PCDH15: variants seen among roughly 807,000 people sequenced by gnomAD.
PCDH15 encodes protocadherin-15.
In PCDH15, 129 loss-of-function variants were observed where a neutral mutation model predicts 178.5. That is an observed-to-expected ratio of 0.72 (90% confidence interval 0.63 to 0.84). The LOEUF is 0.84. PCDH15 is among the 40% of genes least tolerant of loss of function. PCDH15 has a pLI of 0.00. For missense variants in PCDH15, 2,230 were observed against 2,099.9 expected, an observed-to-expected ratio of 1.06 and a Z score of -1.21; for synonymous variants, 800 against 732.0, an observed-to-expected ratio of 1.09 and a Z score of -1.50.
chr10:54,999,729 C>A lies in PCDH15; in HGVS notation c.-79-102229G>T, dbSNP rs541891501. 9.2e-5 allele frequency among the ~76,000 whole-genome samples: 14 copies of A among 152,166 alleles called. No homozygotes were observed. In the South Asian group the frequency reaches 2.7e-3, roughly 29 times the overall value. On this transcript the variant is annotated intron_variant, in intron 2 of 5. Coordinates refer to the PCDH15 transcript ENST00000458638. ...GGGGAAAATTCAGCCAGATATCGGGCGAAATTCACCCCCGATATTTCACGT... is the reference window on the plus strand; with the variant it reads ...GGGGAAAATTCAGCCAGATATCGGGAGAAATTCACCCCCGATATTTCACGT...
At chr10:54,646,562 C>T (rs1357167015) in intron 2 of PCDH15, among the ~76,000 whole-genome samples, 1 of 151,992 alleles carries the variant, frequency 6.6e-6, no homozygotes, top group African/African-American at 2.4e-5. Flanking sequence ...TTTGTGATTC[C>T]TACACCACTT....
At chr10:53,821,658 A>G in intron 32 of PCDH15, 1 of 1,344,510 alleles carries the variant, frequency 7.4e-7, no homozygotes, top group Non-Finnish European at 9.6e-7. Flanking sequence ...GTAGTTTTTA[A>G]AAAGTAAGGT....
intron 2 of PCDH15, among the ~76,000 whole-genome samples, chr10:55,361,923 A>G (rs1318961403): frequency 6.6e-6 from 1 of 152,084 alleles, no homozygotes; most frequent in Non-Finnish European, 1.5e-5. Context: ...TAAATAATTC[A>G]TGTATTACGT....
chr10:55,522,895 CCT>C (rs1192916519), intron 2 of PCDH15, among the ~76,000 whole-genome samples: 1 of 150,814 alleles, frequency 6.6e-6, no homozygotes. Flanking sequence ...TTCTTTCTCC[CCT>C]GTTGTCTTAA....
chr10:55,624,418 TAGATAGTTTAAACTAGA>T (rs1316404464), intron 2 of PCDH15, among the ~76,000 whole-genome samples: 7 of 152,086 alleles, frequency 4.6e-5, no homozygotes, highest in African/African-American at 1.7e-4. Flanking sequence ...TTTCGACATG[TAGATAGTTTAAACTAGA>T]AGCCACCCGA....
chr10:55,008,525 A>ACAT (rs1839981862), intron 2 of PCDH15, among the ~76,000 whole-genome samples: 1 of 152,176 alleles, frequency 6.6e-6, no homozygotes, highest in African/African-American at 2.4e-5. Context: ...AGAAAGATGT[A>ACAT]CATTGGTCTT....
At chr10:54,133,117 T>C in intron 14 of PCDH15, 110 bp from the exon 15 acceptor site, 1 of 1,365,660 alleles carries the variant, frequency 7.3e-7, no homozygotes, top group Non-Finnish European at 1.0e-6. Flanking sequence ...ATTTCCAAAT[T>C]TTATGAAAAA....
At chr10:55,268,100 T>C (rs558946604) in intron 1 of PCDH15, among the ~76,000 whole-genome samples, 4 of 152,338 alleles carry the variant, frequency 2.6e-5, no homozygotes, top group East Asian at 1.9e-4. Flanking sequence ...ATCACAAAAG[T>C]AATAAAGTAA....
At chr10:54,196,309 A>AT (rs1457593924) in intron 10 of PCDH15, among the ~76,000 whole-genome samples, 1 of 151,790 alleles carries the variant, frequency 6.6e-6, no homozygotes, top group African/African-American at 2.4e-5. Flanking sequence ...CGCATGGCTA[A>AT]TGTTTTGTAT....
chr10:54,725,615 C>T (rs1208301440), intron 1 of PCDH15, among the ~76,000 whole-genome samples: 2 of 136,006 alleles, frequency 1.5e-5, no homozygotes, highest in Non-Finnish European at 3.3e-5. Flanking sequence ...ATTAATAAAA[C>T]ACTGCAACCT....
chr10:54,071,549 C>A (rs1590233702), intron 17 of PCDH15, among the ~76,000 whole-genome samples: 1 of 151,926 alleles, frequency 6.6e-6, no homozygotes, highest in African/African-American at 2.4e-5. Context: ...AAAACTATTT[C>A]TTTATATTTT....
chr10:54,177,621 A>G (rs771816508), intron 13 of PCDH15, among the ~76,000 whole-genome samples: 4 of 152,080 alleles, frequency 2.6e-5, no homozygotes, highest in Non-Finnish European at 5.9e-5. Flanking sequence ...TGAAATGATG[A>G]TCTACAAATA....
intron 1 of PCDH15, among the ~76,000 whole-genome samples, chr10:54,670,335 A>G (rs1487795951): frequency 6.6e-6 from 1 of 152,178 alleles, no homozygotes; most frequent in East Asian, 1.9e-4. Flanking sequence ...CACATAAGGT[A>G]AGTCCAAGCT....
intron 28 of PCDH15, among the ~76,000 whole-genome samples, chr10:53,855,682 T>C (rs529977023): frequency 6.6e-6 from 1 of 151,900 alleles, no homozygotes; most frequent in East Asian, 2.0e-4. Flanking sequence ...GAAGTGATGA[T>C]ATTTTGCTAA....
At chr10:55,393,697 C>G (rs963136566) in intron 2 of PCDH15, among the ~76,000 whole-genome samples, 2 of 152,122 alleles carry the variant, frequency 1.3e-5, no homozygotes, top group Non-Finnish European at 2.9e-5. Flanking sequence ...TTATCAGATT[C>G]CTCCTAAATC....
intron 2 of PCDH15, among the ~76,000 whole-genome samples, chr10:55,353,223 T>C (rs1844987486): frequency 6.6e-6 from 1 of 152,124 alleles, no homozygotes; most frequent in African/African-American, 2.4e-5. Flanking sequence ...AAAGCACAGA[T>C]TTTTACACTA....
chr10:54,885,012 C>T (rs1181743954), intron 3 of PCDH15, among the ~76,000 whole-genome samples: 1 of 152,016 alleles, frequency 6.6e-6, no homozygotes, highest in African/African-American at 2.4e-5. Flanking sequence ...ATATAACATT[C>T]ATTTGTTAAT....
intron 1 of PCDH15, among the ~76,000 whole-genome samples, chr10:54,758,872 T>C (rs997722237): frequency 1.3e-5 from 2 of 152,208 alleles, no homozygotes; most frequent in Non-Finnish European, 2.9e-5. Context: ...AGGACTTCTC[T>C]TTATGATTTC....
At chr10:54,891,454 G>C (rs532854221) in intron 3 of PCDH15, among the ~76,000 whole-genome samples, 20 of 152,214 alleles carry the variant, frequency 1.3e-4, no homozygotes, top group African/African-American at 4.8e-4. Flanking sequence ...TCAATAGTGA[G>C]AGGATGGTGA....
Sources: gnomAD v4.1 joint callset for allele counts (sites outside exome capture counted in the v4.1 genomes callset) on GRCh38, gnomAD v4.1.1 for gene constraint, MANE v1.5 for transcripts, NCBI Gene and HGNC (gene_info 2026-07-23, HGNC 2026-07-21) for gene names.